Variants in NAV3 observed in about 807,000 individuals in gnomAD.
NAV3 encodes the protein neuron navigator 3.
A neutral mutation model predicts 244.7 loss-of-function variants in NAV3; 87 were observed. The ratio of observed to expected loss-of-function variants is 0.36; its 90% confidence interval spans 0.30 to 0.42. The LOEUF is 0.42. Among genes scored for constraint, NAV3 ranks in the 20% least tolerant of loss-of-function variants. The probability of loss-of-function intolerance (pLI) is 1.00; values close to 1 mark genes in which losing one functional copy is unlikely to be tolerated. For synonymous variants in NAV3, 1,126 were observed against 1,042.2 expected (o/e 1.08, Z -1.55); for missense variants, 2,663 against 2,893.3 (o/e 0.92, Z 1.83).
chr12:77,677,143 T>C lies in NAV3; in HGVS notation c.72+104877T>C, dbSNP rs142428311. Among the ~76,000 whole-genome samples, 1,502 of 152,320 alleles carry C rather than the reference T, an allele frequency of 9.9e-3. 10 individuals are homozygous for C. The highest frequency in any genetic ancestry group is 0.02 in the Middle Eastern group (6 of 294). ...CCAGAGGTATTTTCAACATGAAGTA[T>C]TGAAGAGATAGTTTCAGTTTGAGGC... On this transcript the variant is annotated intron_variant, in intron 2 of 8. Transcript: ENST00000550042.
intron 1 of NAV3, among the ~76,000 whole-genome samples, chr12:77,877,521 T>A (rs1882010712): frequency 6.6e-6 from 1 of 152,132 alleles, no homozygotes; most frequent in Non-Finnish European, 1.5e-5. Flanking sequence ...TTTATAGATA[T>A]TTTTCTCAGA....
At chr12:78,028,203 T>C (rs770389872) in intron 9 of NAV3, among the ~76,000 whole-genome samples, 9 of 151,974 alleles carry the variant, frequency 5.9e-5, no homozygotes, top group Non-Finnish European at 1.2e-4. Flanking sequence ...ATTGAAAGAG[T>C]GGATCCATCA....
Position 77,667,673 on chromosome 12 carries a change from C to T in NAV3, c.72+95407C>T, listed in dbSNP as rs141839555. On this transcript the variant is annotated intron_variant, in intron 2 of 8. Coordinates refer to the NAV3 transcript ENST00000550042. ...ACCTGGTAGTCTTTCTCTACCCACT[C>T]TGGTAGCTGAAGACAAAGGATATAA... Among the ~76,000 whole-genome samples the T allele has an allele frequency of 6.1e-3, 928 of 152,218 alleles. 14 individuals carry two copies. The highest frequency in any genetic ancestry group is 0.028 in the South Asian group (133 of 4,820).
intron 2 of NAV3, among the ~76,000 whole-genome samples, chr12:77,800,742 T>A (rs1290751754): frequency 6.6e-6 from 1 of 152,156 alleles, no homozygotes; most frequent in Non-Finnish European, 1.5e-5. Flanking sequence ...AGTAGGGGGA[T>A]TATTTTTAAG....
intron 12 of NAV3, among the ~76,000 whole-genome samples, chr12:78,075,213 A>G (rs746955566): frequency 1.3e-5 from 2 of 152,190 alleles, no homozygotes; most frequent in Non-Finnish European, 2.9e-5. Context: ...GTGAGAAATA[A>G]TTTAACATAA....
chr12:77,936,170 A>T (rs958970857), intron 1 of NAV3, among the ~76,000 whole-genome samples: 4 of 152,232 alleles, frequency 2.6e-5, no homozygotes, highest in Admixed American at 6.5e-5. Context: ...CAAAGAATAC[A>T]TGCTATTGCA....
chr12:78,126,558 T>C (rs1955913797), intron 16 of NAV3, among the ~76,000 whole-genome samples: 1 of 152,170 alleles, frequency 6.6e-6, no homozygotes, highest in African/African-American at 2.4e-5. Context: ...TTTATAGCCT[T>C]TTAAATACCT....
At chr12:78,115,192 C>T (rs528668304) in intron 12 of NAV3, among the ~76,000 whole-genome samples, 1 of 152,106 alleles carries the variant, frequency 6.6e-6, no homozygotes, top group Admixed American at 6.5e-5. Context: ...TTTGCAGGAG[C>T]CTTTTAAATC....
chr12:78,201,460 T>A (rs1012114613), intron 38 of NAV3, among the ~76,000 whole-genome samples: 14 of 152,026 alleles, frequency 9.2e-5, no homozygotes, highest in African/African-American at 3.4e-4. Context: ...TTTTGATCTA[T>A]GACAGATTGG....
At chr12:78,208,020 G>T (rs745630659) in intron 39 of NAV3, among the ~76,000 whole-genome samples, 3 of 152,142 alleles carry the variant, frequency 2.0e-5, no homozygotes, top group Non-Finnish European at 4.4e-5. Flanking sequence ...ATTCCATTTA[G>T]TGTTGCTATA....
chr12:77,898,423 G>A (rs1055057000), intron 1 of NAV3, among the ~76,000 whole-genome samples: 44 of 152,102 alleles, frequency 2.9e-4, no homozygotes, highest in Non-Finnish European at 2.5e-4. Context: ...ATTGAAATAA[G>A]GTATTGAACA....
rs190359155 is a variant in NAV3 at position 77,607,389 on chromosome 12, C to T, written c.72+35123C>T. ...CTTTCTTTTGATAATGGGAAGATGACTGAACAACTGGATAAGGAAAAGCAA... is the reference window on the plus strand; with the variant it reads ...CTTTCTTTTGATAATGGGAAGATGATTGAACAACTGGATAAGGAAAAGCAA... On this transcript the variant is annotated intron_variant, in intron 2 of 8. Coordinates refer to the NAV3 transcript ENST00000550042. Among the ~76,000 whole-genome samples, 1,112 of 152,112 alleles carry T rather than the reference C, an allele frequency of 7.3e-3. 11 individuals are homozygous for T. Among genetic ancestry groups the T allele is most frequent in the Admixed American group, 0.012 (190 of 15,250 alleles).
chr12:78,113,171 G>A (rs1346901642), intron 12 of NAV3, among the ~76,000 whole-genome samples: 2 of 152,218 alleles, frequency 1.3e-5, no homozygotes, highest in Non-Finnish European at 2.9e-5. Context: ...CCCCACTCCA[G>A]GCTGCTTTTA....
At chr12:78,003,677 C>T (rs1873714542) in intron 7 of NAV3, among the ~76,000 whole-genome samples, 1 of 152,140 alleles carries the variant, frequency 6.6e-6, no homozygotes, top group Non-Finnish European at 1.5e-5. Context: ...TTCCATATGC[C>T]TGTTGTGACT....
intron 1 of NAV3, among the ~76,000 whole-genome samples, chr12:77,912,033 C>A (rs1227466004): frequency 6.6e-6 from 1 of 152,022 alleles, no homozygotes; most frequent in Non-Finnish European, 1.5e-5. Flanking sequence ...AGGAATGATA[C>A]CTACTGCATT....
At position 78,050,777 on chromosome 12, in the gene NAV3, A is replaced by T. The variant is rs1258407184; in HGVS notation, c.2146A>T (p.Thr716Ser). ...TTTATTTGACAGCACCCTGGAGACA[A>T]CATTTGACAGCACTGTGACAACAGA... is the stretch of plus-strand genomic sequence containing the variant. ...TQISHSTLET[T>S]FDSTVTTEVN... The change falls in exon 11 of 40, where the codon ACA becomes TCA. Residue 716 changes from threonine (T) to serine (S), a missense_variant. Physicochemically the swap from Thr to Ser is moderately conservative, Grantham distance 58. Coordinates refer to ENST00000397909, the MANE Select transcript of NAV3 (RefSeq NM_001024383.2). 2 of 1,599,064 alleles carry T rather than the reference A, an allele frequency of 1.3e-6. No homozygotes were observed. Among genetic ancestry groups the T allele is most frequent in the Non-Finnish European group, 1.7e-6 (2 of 1,169,254 alleles).
At chr12:77,692,085 C>A (rs1237970985) in intron 2 of NAV3, among the ~76,000 whole-genome samples, 1 of 151,906 alleles carries the variant, frequency 6.6e-6, no homozygotes, top group Admixed American at 6.6e-5. Context: ...TTCTAGTGTA[C>A]AACCAAGCTG....
intron 2 of NAV3, among the ~76,000 whole-genome samples, chr12:77,707,870 G>A (rs1286980796): frequency 6.6e-5 from 10 of 152,160 alleles, no homozygotes; most frequent in Non-Finnish European, 1.2e-4. Context: ...CTTTTGAGAC[G>A]TGTCTGTTCA....
At chr12:77,659,270 A>G (rs564412045) in intron 2 of NAV3, among the ~76,000 whole-genome samples, 1 of 151,686 alleles carries the variant, frequency 6.6e-6, no homozygotes, top group African/African-American at 2.4e-5. Flanking sequence ...CAAGAAAAAA[A>G]CAAACAACCC....
Sources: allele counts gnomAD v4.1 joint callset (sites outside exome capture counted in the v4.1 genomes callset), GRCh38; gene constraint gnomAD v4.1.1; transcripts MANE v1.5; gene names NCBI Gene and HGNC (gene_info 2026-07-23, HGNC 2026-07-21).